RP1: variants seen among roughly 807,000 people sequenced by gnomAD.
RP1 encodes the protein RP1 axonemal microtubule associated.
A neutral mutation model predicts 14.8 loss-of-function variants in RP1; 16 were observed. The ratio of observed to expected loss-of-function variants is 1.08; its 90% CI spans 0.73 to 1.65. RP1 has a LOEUF of 1.65. Among genes scored for constraint, RP1 ranks in the 40% most tolerant of loss-of-function variants. The probability of loss-of-function intolerance (pLI) is 0.00; values close to 1 mark genes in which losing one functional copy is unlikely to be tolerated. For synonymous variants in RP1, 876 were observed against 883.6 expected, an observed-to-expected ratio of 0.99 and a Z score of 0.15; for missense variants, 2,631 against 2,535.0, an observed-to-expected ratio of 1.04 and a Z score of -0.81.
At chr8:54,836,045 A>G (rs1386749326) in intron 24 of RP1, among the ~76,000 whole-genome samples, 2 of 152,222 alleles carry the variant, frequency 1.3e-5, no homozygotes, top group Non-Finnish European at 2.9e-5. Flanking sequence ...CCCAGACTAG[A>G]GAGCATTTTG....
intron 12 of RP1, among the ~76,000 whole-genome samples, chr8:54,699,044 A>G (rs1245862185): frequency 6.6e-6 from 1 of 151,992 alleles, no homozygotes; most frequent in Admixed American, 6.6e-5. Context: ...TAATAAAATA[A>G]AAGAAAGTTT....
chr8:54,627,907 T>A lies in RP1; in HGVS notation c.4025T>A (p.Ile1342Asn), dbSNP rs201683491. ...TYVPVNVCNT[I>N]DFLNSKENTY... is the part of the protein sequence containing the mutation. The stretch of plus-strand genomic sequence containing the variant: ...GTTCCTGTCAATGTCTGCAATACCA[T>A]TGACTTTTTAAACTCCAAAGAAAAC... The change falls in exon 4 of 4, where the codon ATT (isoleucine) becomes AAT (asparagine). Residue 1342 changes from isoleucine (I) to asparagine (N), a missense_variant. Transcript: ENST00000220676. 6.2e-7 allele frequency: 1 copy of A among 1,614,140 alleles called. No homozygotes were observed. Among genetic ancestry groups the A allele is most frequent in the East Asian group, 2.2e-5 (1 of 44,886 alleles).
intron 1 of RP1, among the ~76,000 whole-genome samples, chr8:54,590,738 C>T (rs765654104): frequency 4.6e-5 from 7 of 152,202 alleles, no homozygotes; most frequent in Non-Finnish European, 8.8e-5. Flanking sequence ...AAGCGTATTA[C>T]TCTCAAATTT....
At chr8:54,683,749 G>A (rs1352690870) in intron 12 of RP1, among the ~76,000 whole-genome samples, 3 of 152,162 alleles carry the variant, frequency 2.0e-5, no homozygotes, top group Non-Finnish European at 4.4e-5. Context: ...TGCAAACAAA[G>A]ATAATTTGGC....
At chr8:54,735,595 G>T (rs1023144724) in intron 18 of RP1, among the ~76,000 whole-genome samples, 2 of 152,260 alleles carry the variant, frequency 1.3e-5, no homozygotes, top group East Asian at 3.9e-4. Flanking sequence ...ATACTCAAAT[G>T]GTTTCTAGAT....
chr8:54,789,729 T>A (rs1442326192), intron 24 of RP1, among the ~76,000 whole-genome samples: 5 of 152,132 alleles, frequency 3.3e-5, no homozygotes, highest in African/African-American at 1.2e-4. Flanking sequence ...GAGTGCAGCC[T>A]ATAACCCCAT....
Position 54,621,125 on chromosome 8 carries a change from G to A in RP1, c.159G>A (p.Val53=). The A allele has an allele frequency of 6.2e-7, 1 of 1,614,160 alleles. No individual in the cohort carries two copies. The highest frequency in any genetic ancestry group is 2.2e-5 in the East Asian group (1 of 44,882). Residue 53 remains valine (V), a synonymous_variant, in exon 2 of 4, where the codon GTG becomes GTA. Transcript: ENST00000220676. ...ACCCCCAATTCGGCGGGGTCAGGGT[G>A]GTGGTCAACCCTCGCTCCTTTAAGT... ...SGDPQFGGVR[V]VVNPRSFKSF...
intron 17 of RP1, among the ~76,000 whole-genome samples, chr8:54,727,111 A>T (rs1808675881): frequency 6.6e-6 from 1 of 152,124 alleles, no homozygotes; most frequent in Non-Finnish European, 1.5e-5. Context: ...TGTTACCTTT[A>T]AAAAAGTGAT....
intron 24 of RP1, among the ~76,000 whole-genome samples, chr8:54,824,294 T>C: frequency 6.6e-6 from 1 of 152,166 alleles, no homozygotes. Flanking sequence ...CTACCCATAG[T>C]TTGCCAGCTT....
At chr8:54,740,403 TAAAAAAAAAAA>T (rs34753388) in intron 19 of RP1, among the ~76,000 whole-genome samples, 73 of 80,242 alleles carry the variant, frequency 9.1e-4, no homozygotes, top group African/African-American at 3.3e-3. Context: ...GCTTAAAAAG[TAAAAAAAAAAA>T]AAAAAAAAAA....
chr8:54,588,513 G>C (rs573567486), intron 1 of RP1, among the ~76,000 whole-genome samples: 23 of 152,202 alleles, frequency 1.5e-4, no homozygotes, highest in Admixed American at 1.5e-3. Context: ...GCCCAGGAAG[G>C]AGCTGGCACA....
chr8:54,740,786 G>C (rs2129359216), intron 19 of RP1, among the ~76,000 whole-genome samples: 1 of 151,844 alleles, frequency 6.6e-6, no homozygotes, highest in Admixed American at 6.6e-5. Context: ...GATCATGCCT[G>C]TCATCTCAGC....
At chr8:54,706,571 A>T in exon 15 of RP1, 1 of 1,536,046 alleles carries the variant, frequency 6.5e-7, no homozygotes, top group Non-Finnish European at 8.7e-7. Context: ...AAGTGCATAA[A>T]ATCAGCTCTG....
intron 19 of RP1, among the ~76,000 whole-genome samples, chr8:54,751,392 T>C (rs1809366471): frequency 6.6e-6 from 1 of 152,186 alleles, no homozygotes; most frequent in Non-Finnish European, 1.5e-5. Flanking sequence ...GTTTTTGAAC[T>C]GTGTGGTGGG....
At chr8:54,835,993 C>A (rs1006988504) in intron 24 of RP1, among the ~76,000 whole-genome samples, 1 of 152,132 alleles carries the variant, frequency 6.6e-6, no homozygotes, top group Non-Finnish European at 1.5e-5. Flanking sequence ...AGGAGGGGGA[C>A]CAGCTATTTA....
intron 24 of RP1, among the ~76,000 whole-genome samples, chr8:54,790,564 C>CAAA (rs34553015): frequency 2.9e-5 from 4 of 135,670 alleles, no homozygotes; most frequent in African/African-American, 7.9e-5. Context: ...CAGTGAACTT[C>CAAA]AAAAAAAAAA....
At position 54,596,920 on chromosome 8, in the gene RP1, C is replaced by G. The variant is rs868250972; in HGVS notation, c.-12-24035C>G. 3.4e-4 allele frequency among the ~76,000 whole-genome samples: 52 copies of G among 152,044 alleles called. 1 individual carries two copies. Among genetic ancestry groups the G allele is most frequent in the African/African-American group, 1.2e-3 (49 of 41,406 alleles). ...TATTCTCATTACTCTAAGTCAAGCC[C>G]TTATGAACTCTGGATTTCACTATTT... On this transcript the variant is annotated intron_variant, in intron 1 of 22. Coordinates refer to the RP1 transcript ENST00000636932.
chr8:54,759,437 AG>A (rs1377705930), intron 22 of RP1, among the ~76,000 whole-genome samples: 2 of 152,190 alleles, frequency 1.3e-5, no homozygotes, highest in Admixed American at 1.3e-4. Context: ...AAGGAAATTA[AG>A]TGTGGAGAAT....
At chr8:54,699,607 G>A (rs1388876648) in intron 13 of RP1, 30 of 973,978 alleles carry the variant, frequency 3.1e-5, no homozygotes, top group Non-Finnish European at 3.8e-5. Context: ...TATATCAATA[G>A]TATTATGTCT....
Sources: gnomAD v4.1 joint callset for allele counts (sites outside exome capture counted in the v4.1 genomes callset) on GRCh38, gnomAD v4.1.1 for gene constraint, MANE v1.5 for transcripts, NCBI Gene and HGNC (gene_info 2026-07-23, HGNC 2026-07-21) for gene names.